Variants in GPC5 observed in about 807,000 individuals in gnomAD.
GPC5 encodes glypican-5.
Under a neutral mutation model 53.9 loss-of-function variants are expected in GPC5, and 47 were observed. The observed-to-expected ratio is 0.87, with a 90% confidence interval of 0.69 to 1.11. The LOEUF (loss-of-function observed/expected upper bound fraction) is 1.11, where lower values mean the gene tolerates loss of function less well. Ranked by LOEUF, GPC5 falls within the 50% of genes most tolerant of loss-of-function variation. GPC5 has a pLI of 0.00. For synonymous variants in GPC5, 286 were observed against 263.3 expected (o/e 1.09, Z -0.84); for missense variants, 748 against 713.1 (o/e 1.05, Z -0.56).
intron 6 of GPC5, among the ~76,000 whole-genome samples, chr13:91,912,256 A>G (rs28430617): frequency 0.022 from 3,385 of 152,152 alleles, 127 homozygotes; most frequent in African/African-American, 0.076. Context: ...TTTTTTTCTT[A>G]CTGTAAGAAT....
At chr13:92,803,211 A>G (rs1390343347) in intron 7 of GPC5, among the ~76,000 whole-genome samples, 1 of 151,974 alleles carries the variant, frequency 6.6e-6, no homozygotes, top group Non-Finnish European at 1.5e-5. Context: ...GTAGCACTCA[A>G]TAGAGGAACA....
At chr13:91,639,454 A>AC (rs1026668256) in intron 2 of GPC5, among the ~76,000 whole-genome samples, 1 of 152,126 alleles carries the variant, frequency 6.6e-6, no homozygotes, top group Non-Finnish European at 1.5e-5. Context: ...ATATGTGACT[A>AC]CCCCCATGGT....
chr13:91,806,802 C>A (rs1031557761), intron 5 of GPC5, among the ~76,000 whole-genome samples: 2 of 152,026 alleles, frequency 1.3e-5, no homozygotes, highest in African/African-American at 4.8e-5. Context: ...TAAAAGGTGG[C>A]AGATCAACAA....
At chr13:92,488,161 G>A (rs887515577) in intron 7 of GPC5, among the ~76,000 whole-genome samples, 5 of 152,054 alleles carry the variant, frequency 3.3e-5, no homozygotes, top group Non-Finnish European at 7.4e-5. Context: ...ATATAAGTTT[G>A]TAAATTTAAT....
chr13:91,916,290 T>A (rs1252736915), intron 6 of GPC5, among the ~76,000 whole-genome samples: 1 of 152,170 alleles, frequency 6.6e-6, no homozygotes, highest in Non-Finnish European at 1.5e-5. Flanking sequence ...CGTATCTAGG[T>A]ATATACTCAA....
chr13:92,688,092 G>T (rs1174742903), intron 7 of GPC5, among the ~76,000 whole-genome samples: 3 of 82,524 alleles, frequency 3.6e-5, no homozygotes, highest in Non-Finnish European at 6.2e-5. Context: ...AATGAGTTAG[G>T]GAGGATTCCC....
intron 7 of GPC5, among the ~76,000 whole-genome samples, chr13:92,513,474 T>G (rs1880651900): frequency 1.0e-5 from 1 of 97,630 alleles, no homozygotes; most frequent in African/African-American, 3.2e-5. Context: ...TTTTTCTGTT[T>G]TTTTTTTTTA....
rs557238159 is a variant in GPC5, at chr13:91,740,027, A to G, written c.1154+11362A>G. Reference sequence around the variant, plus strand: ...TGTGGGACCAAACCTGGTGAAATGCATGCTTCAGTGCTTCTTGTGGTATCT... The same window carrying G: ...TGTGGGACCAAACCTGGTGAAATGCGTGCTTCAGTGCTTCTTGTGGTATCT... On this transcript the variant is annotated intron_variant, in intron 4 of 7. Coordinates refer to ENST00000377067, the MANE Select transcript of GPC5 (RefSeq NM_004466.6). 2.7e-5 allele frequency among the ~76,000 whole-genome samples: 4 copies of G among 146,876 alleles called. No individual in the cohort carries two copies. In the South Asian group the frequency reaches 8.3e-4, roughly 31 times the overall value.
intron 7 of GPC5, among the ~76,000 whole-genome samples, chr13:92,567,810 G>A (rs535787331): frequency 6.6e-6 from 1 of 152,248 alleles, no homozygotes; most frequent in East Asian, 1.9e-4. Context: ...CTACAGAGCT[G>A]TAAGATCTTA....
At chr13:91,958,229 A>G (rs1040510404) in intron 6 of GPC5, among the ~76,000 whole-genome samples, 2 of 151,872 alleles carry the variant, frequency 1.3e-5, no homozygotes, top group African/African-American at 2.4e-5. Flanking sequence ...TAGCAGAGGT[A>G]GCTATACCTA....
chr13:92,036,454 T>C (rs1416806817), intron 6 of GPC5, among the ~76,000 whole-genome samples: 2 of 152,244 alleles, frequency 1.3e-5, no homozygotes, highest in Non-Finnish European at 2.9e-5. Context: ...AGGCGCTTTC[T>C]TGATTCCTCT....
At chr13:91,613,436 G>C (rs566706740) in intron 2 of GPC5, among the ~76,000 whole-genome samples, 1 of 152,222 alleles carries the variant, frequency 6.6e-6, no homozygotes, top group African/African-American at 2.4e-5. Flanking sequence ...TCCCACCGGG[G>C]CTCTCCCACA....
At chr13:91,969,265 C>T (rs186553175) in intron 6 of GPC5, among the ~76,000 whole-genome samples, 1 of 152,282 alleles carries the variant, frequency 6.6e-6, no homozygotes, top group East Asian at 1.9e-4. Context: ...CCATGCCTGA[C>T]CTATTTTTCT....
intron 2 of GPC5, among the ~76,000 whole-genome samples, chr13:91,491,092 T>A (rs141569798): frequency 6.6e-6 from 1 of 152,298 alleles, no homozygotes; most frequent in African/African-American, 2.4e-5. Flanking sequence ...CTGAGAGCCA[T>A]CTAGTCATGA....
At chr13:92,008,148 C>T (rs1296114980) in intron 6 of GPC5, among the ~76,000 whole-genome samples, 5 of 151,082 alleles carry the variant, frequency 3.3e-5, no homozygotes, top group South Asian at 2.1e-4. Context: ...CTGCAAGCTC[C>T]GCCTCCCGGG....
intron 7 of GPC5, among the ~76,000 whole-genome samples, chr13:92,150,447 C>T (rs2041899117): frequency 6.6e-6 from 1 of 151,908 alleles, no homozygotes; most frequent in Non-Finnish European, 1.5e-5. Flanking sequence ...TATGTGATCA[C>T]TATGAATATT....
In GPC5 at chr13:91,644,639, T is replaced by C. The variant is rs369430813; in HGVS notation, c.326-48548T>C. Among the ~76,000 whole-genome samples, 5 of 152,356 alleles carry C rather than the reference T, an allele frequency of 3.3e-5. No individual in the cohort carries two copies. The East Asian group carries it at 7.7e-4, about 23-fold the overall frequency. On this transcript the variant is annotated intron_variant, in intron 2 of 7. Coordinates refer to ENST00000377067, the MANE Select transcript of GPC5 (RefSeq NM_004466.6). ...TAACAGGAAGATGTCTTATGTGCTT[T>C]ATTTACTTATATATGTTTGATGGCA...
At chr13:92,130,409 A>G (rs556082200) in intron 6 of GPC5, among the ~76,000 whole-genome samples, 1 of 152,110 alleles carries the variant, frequency 6.6e-6, no homozygotes, top group East Asian at 1.9e-4. Context: ...TGTATCTGTT[A>G]TAGAAACTAT....
chr13:91,684,643 A>G (rs547620347), intron 2 of GPC5, among the ~76,000 whole-genome samples: 11 of 152,224 alleles, frequency 7.2e-5, no homozygotes, highest in African/African-American at 2.6e-4. Context: ...TGTCACCCAT[A>G]CTGTTAGCAT....
Sources: gnomAD v4.1 joint callset for allele counts (sites outside exome capture counted in the v4.1 genomes callset) on GRCh38, gnomAD v4.1.1 for gene constraint, MANE v1.5 for transcripts, NCBI Gene and HGNC (gene_info 2026-07-23, HGNC 2026-07-21) for gene names.